NME7: variants seen among roughly 807,000 people sequenced by gnomAD.
NME7 encodes nucleoside diphosphate kinase 7.
NME7 carries 41 observed loss-of-function variants against 49.1 expected under a neutral mutation model. The ratio of observed to expected loss-of-function variants is 0.83; its 90% CI spans 0.65 to 1.08. NME7 has a LOEUF of 1.08. NME7 is among the 50% of genes least tolerant of loss of function. NME7 has a pLI of 0.00. For synonymous variants in NME7, 139 were observed against 150.6 expected (o/e 0.92, Z 0.56); for missense variants, 423 against 463.4 (o/e 0.91, Z 0.80).
chr1:169,345,689 T>G (rs1214713162), intron 1 of NME7, among the ~76,000 whole-genome samples: 1 of 152,218 alleles, frequency 6.6e-6, no homozygotes, highest in Admixed American at 6.5e-5. Context: ...ACACTCACTC[T>G]GTTATCATCT....
intron 11 of NME7, among the ~76,000 whole-genome samples, chr1:169,149,349 T>TAA (rs146302326): frequency 1.3e-5 from 2 of 151,690 alleles, no homozygotes; most frequent in East Asian, 1.9e-4. Context: ...TCAAAAATAA[T>TAA]AAAAAAATAA....
At position 169,263,061 on chromosome 1, in the gene NME7, C is replaced by G. The variant is rs1158644077; in HGVS notation, c.754+24242G>C. ...AAACCCACCTTATACCACAATCAAA[C>G]CCCCAAGGGCATCAAATAAAAAAAA... is the stretch of plus-strand genomic sequence containing the variant. On this transcript the variant is annotated intron_variant, in intron 7 of 11. Coordinates refer to ENST00000367811, the MANE Select transcript of NME7 (RefSeq NM_013330.5). 1.5e-5 allele frequency among the ~76,000 whole-genome samples: 2 copies of G among 133,144 alleles called. 1 individual carries two copies. Among genetic ancestry groups the G allele is most frequent in the Non-Finnish European group, 3.5e-5 (2 of 56,660 alleles). The allele number at this position is 133,144 out of a possible 152,430, so 87.3% of individuals were successfully genotyped here. A position where few individuals can be genotyped will look rare whatever the true frequency, so the allele number is the denominator to read the frequency against.
At chr1:169,276,192 C>G (rs1649717125) in intron 7 of NME7, among the ~76,000 whole-genome samples, 1 of 133,922 alleles carries the variant, frequency 7.5e-6, no homozygotes, top group South Asian at 2.3e-4. Context: ...CAGGATGATG[C>G]TGGCCTCATA....
intron 10 of NME7, among the ~76,000 whole-genome samples, chr1:169,227,800 G>C (rs921763181): frequency 2.6e-5 from 4 of 151,922 alleles, no homozygotes; most frequent in African/African-American, 9.7e-5. Context: ...TGAACTTTTC[G>C]TGGACACATT....
chr1:169,367,102 T>G (rs4656670), intron 1 of NME7, among the ~76,000 whole-genome samples: 76,187 of 151,218 alleles, frequency 0.5, 20,464 homozygotes, highest in Non-Finnish European at 0.6. Context: ...AAACAGTGAA[T>G]TCCAGAAGCT....
chr1:169,360,785 T>G (rs916244762), intron 1 of NME7, among the ~76,000 whole-genome samples: 3 of 152,218 alleles, frequency 2.0e-5, no homozygotes, highest in Non-Finnish European at 4.4e-5. Context: ...AATATTGCAT[T>G]ACTTAGTTTA....
intron 10 of NME7, among the ~76,000 whole-genome samples, chr1:169,227,041 T>TA (rs1647373201): frequency 1.3e-5 from 2 of 152,228 alleles, no homozygotes; most frequent in Admixed American, 1.3e-4. Flanking sequence ...TCATCTTTTT[T>TA]ATGCCCCAGC....
intron 7 of NME7, among the ~76,000 whole-genome samples, chr1:169,275,465 C>A (rs60354661): frequency 2.5e-5 from 2 of 81,456 alleles, no homozygotes; most frequent in African/African-American, 4.4e-5. Context: ...GGCGACAGAG[C>A]GAAACTCCGT....
chr1:169,152,245 C>T lies in NME7; in HGVS notation c.1098+17202G>A, dbSNP rs182709586. Among the ~76,000 whole-genome samples, 3 of 141,418 alleles carry T rather than the reference C, an allele frequency of 2.1e-5. No individual in the cohort carries two copies. In the East Asian group the frequency reaches 6.8e-4, roughly 32 times the overall value. The allele number at this position is 141,418 out of a possible 152,430, so 92.8% of individuals were successfully genotyped here. On this transcript the variant is annotated intron_variant, in intron 11 of 11. Transcript: ENST00000367811. ...TAATTTAAAAAGATAATAATAATAA[C>T]CAATATTTAATTGAATACTTCCTAT...
At chr1:169,325,891 G>A (rs934255393) in intron 1 of NME7, among the ~76,000 whole-genome samples, 3 of 151,970 alleles carry the variant, frequency 2.0e-5, no homozygotes, top group African/African-American at 7.2e-5. Flanking sequence ...TATGACATTT[G>A]TAAAAGCCTT....
chr1:169,252,664 A>G (rs954954605), intron 7 of NME7, among the ~76,000 whole-genome samples: 4 of 151,918 alleles, frequency 2.6e-5, no homozygotes, highest in Admixed American at 6.6e-5. Flanking sequence ...GGTAATCCCT[A>G]GGTTTTCTTC....
intron 6 of NME7, among the ~76,000 whole-genome samples, chr1:169,290,905 T>C (rs1368734676): frequency 1.3e-5 from 2 of 151,608 alleles, no homozygotes; most frequent in East Asian, 1.9e-4. Context: ...AGCCAACATA[T>C]GAAAAAAAGC....
rs12037211 is a variant in NME7 at position 169,249,686 on chromosome 1, C to T, written c.755-11999G>A. The stretch of plus-strand genomic sequence containing the variant: ...TATCTGTTTGTTGAGTTTTTTTATA[C>T]GGGGATGCTGGATTTTATGAAATGC... On this transcript the variant is annotated intron_variant, in intron 7 of 11. Transcript: ENST00000367811. 4.6e-5 allele frequency among the ~76,000 whole-genome samples: 7 copies of T among 151,524 alleles called. 1 individual carries two copies. Among genetic ancestry groups the T allele is most frequent in the South Asian group, 4.1e-4 (2 of 4,822 alleles).
At chr1:169,312,207 A>T (rs1306514785) in intron 3 of NME7, among the ~76,000 whole-genome samples, 4 of 152,220 alleles carry the variant, frequency 2.6e-5, no homozygotes, top group Non-Finnish European at 5.9e-5. Context: ...CTCAGCTGAG[A>T]CAACTAGGCT....
chr1:169,133,772 G>A (rs1658335142), intron 11 of NME7, among the ~76,000 whole-genome samples: 1 of 152,174 alleles, frequency 6.6e-6, no homozygotes. Flanking sequence ...CCACATTTAT[G>A]GAAATAGAAG....
intron 11 of NME7, among the ~76,000 whole-genome samples, chr1:169,165,504 G>A (rs532014332): frequency 6.6e-6 from 1 of 152,266 alleles, no homozygotes; most frequent in South Asian, 2.1e-4. Context: ...GCGTGTGACA[G>A]TTCTGGTTTA....
chr1:169,341,101 C>T (rs1052416709), intron 1 of NME7, among the ~76,000 whole-genome samples: 4 of 152,224 alleles, frequency 2.6e-5, no homozygotes, highest in Non-Finnish European at 5.9e-5. Context: ...CAGAGATCTT[C>T]GTGGCAGCCC....
At chr1:169,282,794 A>G (rs897002028) in intron 7 of NME7, among the ~76,000 whole-genome samples, 3 of 152,040 alleles carry the variant, frequency 2.0e-5, no homozygotes, top group African/African-American at 7.2e-5. Flanking sequence ...TTCTAATTTG[A>G]TTGCACTGTG....
At chr1:169,251,732 C>T (rs868665717) in intron 7 of NME7, among the ~76,000 whole-genome samples, 1 of 127,584 alleles carries the variant, frequency 7.8e-6, no homozygotes, top group Non-Finnish European at 1.6e-5. Flanking sequence ...CACAACAGTC[C>T]CCAGAGTGTG....
Sources: gnomAD v4.1 joint callset for allele counts (sites outside exome capture counted in the v4.1 genomes callset) on GRCh38, gnomAD v4.1.1 for gene constraint, MANE v1.5 for transcripts, NCBI Gene and HGNC (gene_info 2026-07-23, HGNC 2026-07-21) for gene names.